Variants in NEO1 observed in about 807,000 individuals in gnomAD.
The protein encoded by NEO1 is neogenin.
NEO1 carries 63 observed loss-of-function variants against 159.7 expected under a neutral mutation model. The ratio of observed to expected loss-of-function variants is 0.39; its 90% CI spans 0.32 to 0.49. The LOEUF (loss-of-function observed/expected upper bound fraction) is 0.49, where lower values mean the gene tolerates loss of function less well. Ranked by LOEUF, NEO1 falls within the 20% of genes least tolerant of loss-of-function variation. The pLI is 0.85. For missense variants in NEO1, 1,615 were observed against 1,831.0 expected (o/e 0.88, Z 2.15); for synonymous variants, 633 against 662.0 (o/e 0.96, Z 0.67).
intron 7 of NEO1, among the ~76,000 whole-genome samples, chr15:73,206,646 C>T (rs750748387): frequency 6.6e-6 from 1 of 151,776 alleles, no homozygotes; most frequent in African/African-American, 2.4e-5. Context: ...TTTCTCATGT[C>T]CTTTACTCTA....
At chr15:73,268,685 G>C (rs936668690) in intron 16 of NEO1, among the ~76,000 whole-genome samples, 4 of 152,226 alleles carry the variant, frequency 2.6e-5, no homozygotes, top group African/African-American at 9.7e-5. Context: ...ATTGTAAACT[G>C]TGAACTTAAA....
At chr15:73,214,444 T>G (rs2037762806) in intron 7 of NEO1, among the ~76,000 whole-genome samples, 1 of 152,212 alleles carries the variant, frequency 6.6e-6, no homozygotes, top group Non-Finnish European at 1.5e-5. Flanking sequence ...GAGTTGATTT[T>G]CATATAAGGT....
intron 1 of NEO1, among the ~76,000 whole-genome samples, chr15:73,067,452 CTTTTT>C (rs11330606): frequency 7.3e-6 from 1 of 137,606 alleles, no homozygotes; most frequent in Admixed American, 7.3e-5. Context: ...GCTTTTCTTT[CTTTTT>C]TTTTTTTTTT....
intron 1 of NEO1, among the ~76,000 whole-genome samples, chr15:73,074,981 C>T (rs2068701538): frequency 1.3e-5 from 2 of 152,064 alleles, no homozygotes; most frequent in Admixed American, 1.3e-4. Context: ...TATAATGTGT[C>T]TCCAGAAATA....
In NEO1 at chr15:73,052,761, C is replaced by A; in HGVS notation, c.86C>A (p.Pro29Gln). 2 of 1,256,048 alleles carry A rather than the reference C, an allele frequency of 1.6e-6. No individual in the cohort carries two copies. The highest frequency in any genetic ancestry group is 2.0e-6 in the Non-Finnish European group (2 of 993,882). The allele number at this position is 1,256,048 out of a possible 1,614,324, so 77.8% of individuals were successfully genotyped here. A position where few individuals can be genotyped will look rare whatever the true frequency, so the allele number is the denominator to read the frequency against. The change falls in exon 1 of 29, where the codon CCG (proline) becomes CAG (glutamine). Residue 29 changes from proline (P) to glutamine (Q), a missense_variant. Physicochemically the swap from Pro to Gln is moderately conservative, Grantham distance 76 (BLOSUM62 -1). Coordinates refer to ENST00000261908, the MANE Select transcript of NEO1 (RefSeq NM_002499.4). The stretch of plus-strand genomic sequence containing the variant: ...CTGCTGCTGCTCGGGCGCCGGGCGC[C>A]GGGCGCCGCGGCCGCCAGGAGCGGC... ...YCLLLLGRRA[P>Q]GAAAARSGSA...
At chr15:73,129,400 TA>T (rs962448363) in intron 4 of NEO1, among the ~76,000 whole-genome samples, 17 of 148,326 alleles carry the variant, frequency 1.1e-4, no homozygotes, top group African/African-American at 2.0e-4. Context: ...CTGGATCTAG[TA>T]AAAAAAAAAG....
chr15:73,165,093 A>ATTTTT (rs67749428), intron 5 of NEO1, among the ~76,000 whole-genome samples: 3 of 129,098 alleles, frequency 2.3e-5, no homozygotes, highest in Non-Finnish European at 4.9e-5. Flanking sequence ...TGCCTGGCCA[A>ATTTTT]TTTTTTTTTT....
At chr15:73,225,791 C>G (rs576607329) in intron 7 of NEO1, among the ~76,000 whole-genome samples, 1 of 152,120 alleles carries the variant, frequency 6.6e-6, no homozygotes, top group African/African-American at 2.4e-5. Flanking sequence ...CACCCTTTCC[C>G]GAGTTCTGGC....
At chr15:73,281,403 G>A (rs1256942681) in intron 22 of NEO1, among the ~76,000 whole-genome samples, 4 of 151,106 alleles carry the variant, frequency 2.6e-5, no homozygotes, top group Middle Eastern at 3.4e-3. Flanking sequence ...TACAGGCACC[G>A]CCACCATGCC....
chr15:73,242,693 T>A (rs1042172619), intron 8 of NEO1, among the ~76,000 whole-genome samples: 5 of 152,012 alleles, frequency 3.3e-5, no homozygotes, highest in African/African-American at 1.2e-4. Flanking sequence ...AAAAAAATCT[T>A]AAGAGAAACT....
Position 73,260,382 on chromosome 15 carries a change from C to T in NEO1, c.2315C>T (p.Ala772Val). 1 of 1,614,020 alleles carries T rather than the reference C, an allele frequency of 6.2e-7. No homozygotes were observed. Among genetic ancestry groups the T allele is most frequent in the Non-Finnish European group, 8.5e-7 (1 of 1,179,978 alleles). ...CAGAACATTGTGGTCAGAGGTTACG[C>T]CATTGGTTATGGCATTGGCAGCCCT... ...ENQNIVVRGYAIGYGIGSPHA... is the reference protein window; with the variant it reads ...ENQNIVVRGYVIGYGIGSPHA... Residue 772 changes from alanine to valine, a missense_variant, in exon 15 of 29, where the codon GCC becomes GTC. Coordinates refer to ENST00000261908, the MANE Select transcript of NEO1 (RefSeq NM_002499.4).
intron 7 of NEO1, among the ~76,000 whole-genome samples, chr15:73,211,138 C>T (rs772279366): frequency 2.6e-5 from 4 of 152,226 alleles, no homozygotes; most frequent in Non-Finnish European, 4.4e-5. Context: ...TTGGACCTTA[C>T]TTCTGGCCAT....
At chr15:73,177,886 A>G (rs547286263) in intron 6 of NEO1, among the ~76,000 whole-genome samples, 72 of 152,284 alleles carry the variant, frequency 4.7e-4, no homozygotes, top group African/African-American at 1.6e-3. Flanking sequence ...CATTTAAGGA[A>G]AGCTCACATG....
chr15:73,225,155 C>T (rs1354395736), intron 7 of NEO1, among the ~76,000 whole-genome samples: 1 of 152,114 alleles, frequency 6.6e-6, no homozygotes, highest in East Asian at 1.9e-4. Context: ...GTGATGTGAA[C>T]CGTCTATGGG....
At chr15:73,131,351 A>G (rs2031104092) in intron 4 of NEO1, among the ~76,000 whole-genome samples, 1 of 152,282 alleles carries the variant, frequency 6.6e-6, no homozygotes. Flanking sequence ...CTCAACGAAG[A>G]AAGAGGTCTC....
chr15:73,249,011 G>T, intron 9 of NEO1, 49 bp from the exon 10 acceptor site: 1 of 1,590,212 alleles, frequency 6.3e-7, no homozygotes, highest in South Asian at 1.1e-5. Flanking sequence ...GGTTATTGAG[G>T]AGTGTAGCAT....
At chr15:73,213,096 T>C (rs1353851292) in intron 7 of NEO1, among the ~76,000 whole-genome samples, 1 of 152,212 alleles carries the variant, frequency 6.6e-6, no homozygotes, top group Non-Finnish European at 1.5e-5. Flanking sequence ...GTATTATTTT[T>C]ATAACAAGCA....
At chr15:73,134,327 A>G (rs2031495994) in intron 4 of NEO1, among the ~76,000 whole-genome samples, 1 of 152,162 alleles carries the variant, frequency 6.6e-6, no homozygotes, top group Admixed American at 6.5e-5. Flanking sequence ...ATGACCTTGC[A>G]GGGTCGTATT....
chr15:73,211,789 A>C (rs965811492), intron 7 of NEO1, among the ~76,000 whole-genome samples: 2 of 152,176 alleles, frequency 1.3e-5, no homozygotes, highest in African/African-American at 4.8e-5. Flanking sequence ...GCAGAGAAGA[A>C]GCCCAAGGAA....
Sources: allele counts gnomAD v4.1 joint callset (sites outside exome capture counted in the v4.1 genomes callset), GRCh38; gene constraint gnomAD v4.1.1; transcripts MANE v1.5; gene names NCBI Gene and HGNC (gene_info 2026-07-23, HGNC 2026-07-21).